TSPAN2: variants seen among roughly 807,000 people sequenced by gnomAD.
The protein encoded by TSPAN2 is tetraspanin-2.
A neutral mutation model predicts 33.3 loss-of-function variants in TSPAN2; 24 were observed. That is an observed-to-expected ratio of 0.72 (90% CI 0.52 to 1.01). The LOEUF (loss-of-function observed/expected upper bound fraction) is 1.01, where lower values mean the gene tolerates loss of function less well. Among genes scored for constraint, TSPAN2 ranks in the 50% least tolerant of loss-of-function variants. The pLI, the probability that TSPAN2 is intolerant of heterozygous loss-of-function variation, is 0.00. For missense variants in TSPAN2, 278 were observed against 281.3 expected, an observed-to-expected ratio of 0.99 and a Z score of 0.08; for synonymous variants, 114 against 104.5, an observed-to-expected ratio of 1.09 and a Z score of -0.56.
chr1:115,079,135 C>G (rs550655439), intron 1 of TSPAN2, among the ~76,000 whole-genome samples: 2 of 57,988 alleles, frequency 3.4e-5, no homozygotes, highest in African/African-American at 1.9e-4. Flanking sequence ...ACAATTATAG[C>G]GCCACACACA....
At position 115,062,243 on chromosome 1, in the gene TSPAN2, G is replaced by A; in HGVS notation, c.173-11C>T. ...CCAGAACATACAGCCCTGTGGGGAA[G>A]AGGTCAGAGGAGACCACTGAGAGCC... On this transcript the variant is annotated splice_polypyrimidine_tract_variant and intron_variant, in intron 2 of 7. Transcript: ENST00000369516. 6.4e-7 allele frequency: 1 copy of A among 1,570,266 alleles called. No homozygotes were observed. The highest frequency in any genetic ancestry group is 8.6e-7 in the Non-Finnish European group (1 of 1,156,784).
Position 115,050,501 on chromosome 1 carries a change from C to G in TSPAN2, c.655G>C (p.Asp219His), listed in dbSNP as rs1323354280. The change falls in exon 8 of 8, where the codon GAT becomes CAT. Residue 219 changes from aspartate to histidine, a missense_variant. Physicochemically the swap from Asp to His is moderately conservative, Grantham distance 81. Coordinates refer to ENST00000369516, the MANE Select transcript of TSPAN2 (RefSeq NM_005725.6). Reference sequence around the variant, plus strand: ...ATGTAGAAGTAGCTTCATATCACATCTCGTGAGTTTCGTATCGCACAGCAG... The same window carrying G: ...ATGTAGAAGTAGCTTCATATCACATGTCGTGAGTTTCGTATCGCACAGCAG... ...VLCCAIRNSR[D>H]VI The G allele has an allele frequency of 1.8e-5, 29 of 1,613,896 alleles. No individual in the cohort carries two copies. The highest frequency in any genetic ancestry group is 2.3e-5 in the Non-Finnish European group (27 of 1,179,932).
chr1:115,058,544 C>T (rs950190252), intron 5 of TSPAN2: 4 of 294,744 alleles, frequency 1.4e-5, no homozygotes, highest in Non-Finnish European at 2.5e-5. Flanking sequence ...ACAGGTCACA[C>T]TTGTTTCTGT....
rs1277626761 is a variant in TSPAN2, at chr1:115,048,170, T to C, written c.*2320A>G. ...ATAGCTGAAAATTTATGTATATGTG[T>C]ATGTATATATATATATACACACACA... On this transcript the variant is annotated 3_prime_UTR_variant, in exon 8 of 8. Transcript: ENST00000369516. The C allele has an allele frequency of 1.6e-5, 2 of 126,382 alleles. No homozygotes were observed. The highest frequency in any genetic ancestry group is 3.0e-5 in the African/African-American group (1 of 33,244). The allele number at this position is 126,382 out of a possible 1,614,324, so 7.8% of individuals were successfully genotyped here.
intron 1 of TSPAN2, among the ~76,000 whole-genome samples, chr1:115,085,070 T>C (rs1187039834): frequency 6.6e-6 from 1 of 152,096 alleles, no homozygotes; most frequent in Non-Finnish European, 1.5e-5. Context: ...TAAGCCAACA[T>C]ATGCGGCTTG....
chr1:115,054,155 C>A (rs896944027), intron 6 of TSPAN2, among the ~76,000 whole-genome samples: 4 of 152,174 alleles, frequency 2.6e-5, no homozygotes, highest in African/African-American at 9.7e-5. Context: ...ATTAGTTTCT[C>A]CAACTTCAAA....
Position 115,070,811 on chromosome 1 carries a change from C to T in TSPAN2, c.172+2094G>A, listed in dbSNP as rs1210128538. ...CACTTAGCTGGCATTTAGTCACATA[C>T]TAATTTTTATTGTAATTTAAATTGT... On this transcript the variant is annotated intron_variant, in intron 2 of 7. Transcript: ENST00000369516. 2.0e-5 allele frequency among the ~76,000 whole-genome samples: 3 copies of T among 152,148 alleles called. No individual in the cohort carries two copies. In the East Asian group the frequency reaches 5.8e-4, roughly 29 times the overall value.
chr1:115,064,641 G>T (rs1486498922), intron 2 of TSPAN2, among the ~76,000 whole-genome samples: 1 of 152,188 alleles, frequency 6.6e-6, no homozygotes, highest in Non-Finnish European at 1.5e-5. Context: ...AGTGTGCATT[G>T]GATTAGTAGA....
At chr1:115,063,178 C>T (rs1235529402) in intron 2 of TSPAN2, among the ~76,000 whole-genome samples, 1 of 152,072 alleles carries the variant, frequency 6.6e-6, no homozygotes, top group African/African-American at 2.4e-5. Context: ...TGTCTTTCAC[C>T]AAAGGTCTAA....
At chr1:115,065,341 A>C (rs944640791) in intron 2 of TSPAN2, among the ~76,000 whole-genome samples, 1 of 152,214 alleles carries the variant, frequency 6.6e-6, no homozygotes, top group African/African-American at 2.4e-5. Flanking sequence ...TAATTAATTT[A>C]CAGCCACATT....
chr1:115,068,197 C>T (rs1648024969), intron 2 of TSPAN2, among the ~76,000 whole-genome samples: 1 of 152,222 alleles, frequency 6.6e-6, no homozygotes, highest in Non-Finnish European at 1.5e-5. Flanking sequence ...TCGCCCTGTC[C>T]TCATTTCCCA....
At chr1:115,075,952 A>C (rs1348537792) in intron 1 of TSPAN2, among the ~76,000 whole-genome samples, 1 of 152,070 alleles carries the variant, frequency 6.6e-6, no homozygotes, top group African/African-American at 2.4e-5. Flanking sequence ...ACTACAGTCC[A>C]GGCCAGGTAC....
intron 2 of TSPAN2, among the ~76,000 whole-genome samples, chr1:115,067,849 G>T (rs1648009146): frequency 6.6e-6 from 1 of 152,186 alleles, no homozygotes; most frequent in Non-Finnish European, 1.5e-5. Context: ...CAAGGGCTGA[G>T]GGGCTCGCTC....
In TSPAN2 at chr1:115,048,021, T is replaced by C. The variant is rs543716984; in HGVS notation, c.*2469A>G. On this transcript the variant is annotated 3_prime_UTR_variant, in exon 8 of 8. Transcript: ENST00000369516. The stretch of plus-strand genomic sequence containing the variant: ...AAATCAAACAAGCAATTTCAGTATA[T>C]AGAAAATTTAATATGAAATCACTTA... The C allele has an allele frequency of 5.9e-5, 9 of 152,072 alleles. No homozygotes were observed. In the South Asian group the frequency reaches 1.5e-3, roughly 25 times the overall value. The allele number at this position is 152,072 out of a possible 1,614,324, so 9.4% of individuals were successfully genotyped here.
intron 1 of TSPAN2, among the ~76,000 whole-genome samples, chr1:115,078,296 C>G (rs1010872799): frequency 4.6e-5 from 7 of 152,292 alleles, no homozygotes; most frequent in African/African-American, 1.4e-4. Flanking sequence ...TCTGTGAGGG[C>G]AGGGACAGGG....
chr1:115,060,402 G>T (rs1029087251), intron 4 of TSPAN2, 62 bp downstream of exon 4: 1 of 1,296,354 alleles, frequency 7.7e-7, no homozygotes, highest in Admixed American at 1.8e-5. Flanking sequence ...ACACTATTGT[G>T]GGTATCAATA....
rs563371323 is a variant in TSPAN2 at position 115,085,316 on chromosome 1, G to A, written c.69+4048C>T. Among the ~76,000 whole-genome samples, 5 of 152,300 alleles carry A rather than the reference G, an allele frequency of 3.3e-5. No homozygotes were observed. The East Asian group carries it at 5.8e-4, about 18-fold the overall frequency. On this transcript the variant is annotated intron_variant, in intron 1 of 7. Coordinates refer to ENST00000369516, the MANE Select transcript of TSPAN2 (RefSeq NM_005725.6). ...AAATTCAGTGGTGAGTACAGTCAGC[G>A]GCCCTGGGCCAGGGAATACTGTGCT...
chr1:115,073,650 CTT>C (rs113271777), intron 1 of TSPAN2, among the ~76,000 whole-genome samples: 1 of 143,002 alleles, frequency 7.0e-6, no homozygotes. Context: ...ATAGCCTAGT[CTT>C]TTTTTTTTTT....
At chr1:115,062,757 A>G (rs1334582691) in intron 2 of TSPAN2, among the ~76,000 whole-genome samples, 1 of 152,234 alleles carries the variant, frequency 6.6e-6, no homozygotes, top group Non-Finnish European at 1.5e-5. Flanking sequence ...GTCACCTGGA[A>G]ACCACTCCCA....
Sources: allele counts gnomAD v4.1 joint callset (sites outside exome capture counted in the v4.1 genomes callset), GRCh38; gene constraint gnomAD v4.1.1; transcripts MANE v1.5; gene names NCBI Gene and HGNC (gene_info 2026-07-23, HGNC 2026-07-21).